Variants in GAS6 observed in about 807,000 individuals in gnomAD.
GAS6 encodes the protein growth arrest specific 6, also known as growth arrest-specific protein 6.
Under a neutral mutation model 75.8 loss-of-function variants are expected in GAS6, and 41 were observed. The ratio of observed to expected loss-of-function variants is 0.54; its 90% CI spans 0.42 to 0.70. The LOEUF is 0.70. Ranked by LOEUF, GAS6 falls within the 30% of genes least tolerant of loss-of-function variation. The pLI is 0.00. For synonymous variants in GAS6, 432 were observed against 412.6 expected, an observed-to-expected ratio of 1.05 and a Z score of -0.57; for missense variants, 854 against 940.2, an observed-to-expected ratio of 0.91 and a Z score of 1.20.
intron 11 of GAS6, among the ~76,000 whole-genome samples, chr13:113,827,561 CCGG>C (rs1373964747): frequency 6.7e-6 from 1 of 149,758 alleles, no homozygotes; most frequent in African/African-American, 2.6e-5. Context: ...AGGCAAAGTC[CCGG>C]CACCAGGCTG....
chr13:113,862,899 C>T (rs1017415267), intron 2 of GAS6, among the ~76,000 whole-genome samples: 2 of 152,186 alleles, frequency 1.3e-5, no homozygotes, highest in Non-Finnish European at 2.9e-5. Context: ...CTCCCGAGCC[C>T]GCAGGATAGA....
At chr13:113,827,685 G>T (rs1419650483) in intron 11 of GAS6, among the ~76,000 whole-genome samples, 1 of 146,050 alleles carries the variant, frequency 6.8e-6, no homozygotes, top group African/African-American at 2.7e-5. Flanking sequence ...GGTGGCTTCA[G>T]CACAGGCACT....
intron 2 of GAS6, among the ~76,000 whole-genome samples, chr13:113,859,266 GT>G (rs1480241001): frequency 6.6e-6 from 1 of 151,722 alleles, no homozygotes; most frequent in African/African-American, 2.4e-5. Context: ...CTGTGTGACT[GT>G]GTAGGTACAT....
intron 12 of GAS6, among the ~76,000 whole-genome samples, chr13:113,826,467 TCGCAGGCACC>T (rs2051543645): frequency 2.3e-5 from 3 of 128,836 alleles, no homozygotes; most frequent in African/African-American, 5.8e-5. Context: ...GGCGCCGGCC[TCGCAGGCACC>T]TTCTCTCCCC....
rs768472011 is a variant in GAS6 at position 113,834,647 on chromosome 13, G to A, written c.738C>T (p.Arg246=). The part of the protein sequence containing the change: ...CRDVDECLQG[R]CEQVCVNSPG... ...GGGAGTTCACGCAGACCTGCTCACA[G>A]CGGCCCTGCAGACACTCGTCCACAT... The change falls in exon 8 of 15, where the codon CGC becomes CGT. Residue 246 remains arginine, a synonymous_variant. Transcript: ENST00000327773. 1 of 1,601,172 alleles carries A rather than the reference G, an allele frequency of 6.2e-7. No homozygotes were observed. The highest frequency in any genetic ancestry group is 8.5e-7 in the Non-Finnish European group (1 of 1,173,372).
At position 113,826,981 on chromosome 13, in the gene GAS6, A is replaced by G. The variant is rs1259776815; in HGVS notation, c.1477+15T>C. ...TGCAGCCACAGCCACCCCAACGGTA[A>G]GAGCCAAGACTTACTGTAGTCCAGG... is the stretch of plus-strand genomic sequence containing the variant. On this transcript the variant is annotated intron_variant, in intron 12 of 14. Coordinates refer to ENST00000327773, the MANE Select transcript of GAS6 (RefSeq NM_000820.4). The G allele has an allele frequency of 1.2e-6, 2 of 1,605,778 alleles. No homozygotes were observed. Among genetic ancestry groups the G allele is most frequent in the East Asian group, 2.2e-5 (1 of 44,658 alleles).
chr13:113,853,999 G>C (rs1354861548), intron 2 of GAS6, among the ~76,000 whole-genome samples: 2 of 152,212 alleles, frequency 1.3e-5, no homozygotes. Flanking sequence ...ATGGCCCCCA[G>C]CCCAGAGGAC....
chr13:113,822,966 G>A (rs562018983), intron 13 of GAS6: 229 of 161,986 alleles, frequency 1.4e-3, no homozygotes, highest in African/African-American at 5.2e-3. Flanking sequence ...TGTCCCCCAC[G>A]GAAAGACGCT....
intron 5 of GAS6, chr13:113,839,467 A>C: frequency 2.4e-6 from 1 of 424,650 alleles, no homozygotes; most frequent in East Asian, 4.3e-5. Flanking sequence ...TCAGAGGTGA[A>C]ATTTCCCCCC....
intron 3 of GAS6, among the ~76,000 whole-genome samples, chr13:113,846,797 C>T (rs577309723): frequency 1.3e-5 from 2 of 152,352 alleles, no homozygotes; most frequent in South Asian, 2.1e-4. Context: ...ACCAACTCAG[C>T]GGAGTTGTGC....
intron 8 of GAS6, chr13:113,833,145 T>C: frequency 3.5e-6 from 4 of 1,149,484 alleles, no homozygotes; most frequent in Non-Finnish European, 3.2e-6. Context: ...TGTTCTGGGC[T>C]GTGGTTTCTC....
At chr13:113,824,798 C>T (rs952551439) in intron 12 of GAS6, among the ~76,000 whole-genome samples, 1 of 152,168 alleles carries the variant, frequency 6.6e-6, no homozygotes, top group African/African-American at 2.4e-5. Flanking sequence ...ATTTATGGCA[C>T]CGAAACACAC....
rs894015706 is a variant in GAS6 at position 113,832,522 on chromosome 13, G to A, written c.954-34C>T. ...CCACAGGAGAAATGAGTCAGCACTG[G>A]GCACAGGCAGATGCCCGGCCCCTCC... is the stretch of plus-strand genomic sequence containing the variant. On this transcript the variant is annotated intron_variant, in intron 9 of 14. Coordinates refer to ENST00000327773, the MANE Select transcript of GAS6 (RefSeq NM_000820.4). 6.3e-6 allele frequency: 10 copies of A among 1,594,400 alleles called. No individual in the cohort carries two copies. The Admixed American group carries it at 1.3e-4, about 22-fold the overall frequency.
intron 2 of GAS6, among the ~76,000 whole-genome samples, chr13:113,849,617 A>G (rs2051858714): frequency 6.6e-6 from 1 of 152,252 alleles, no homozygotes; most frequent in Admixed American, 6.5e-5. Flanking sequence ...GCATTACCAC[A>G]GCTTTACAGC....
intron 10 of GAS6, among the ~76,000 whole-genome samples, chr13:113,830,712 A>G (rs12184764): frequency 2.8e-4 from 20 of 71,778 alleles, no homozygotes; most frequent in South Asian, 1.7e-3. Flanking sequence ...CCTCCTCCCC[A>G]TGGCTCCATC....
chr13:113,858,687 CTG>C (rs140736589), intron 2 of GAS6, among the ~76,000 whole-genome samples: 53 of 122,518 alleles, frequency 4.3e-4, no homozygotes, highest in East Asian at 8.9e-4. Flanking sequence ...GTATGCATGT[CTG>C]TGTGTGTGAC....
intron 2 of GAS6, among the ~76,000 whole-genome samples, chr13:113,856,306 T>A (rs1369092388): frequency 6.6e-6 from 1 of 152,006 alleles, no homozygotes; most frequent in African/African-American, 2.4e-5. Context: ...CGTCCTGCTC[T>A]CCCCCAGTCC....
chr13:113,833,283 AG>A, intron 8 of GAS6: 2 of 1,038,908 alleles, frequency 1.9e-6, no homozygotes, highest in South Asian at 7.3e-5. Flanking sequence ...GACATCTCGC[AG>A]GGGTCCGACA....
rs1351180862 is a variant in GAS6, at chr13:113,834,603, T to A, written c.782A>T (p.His261Leu). 6.3e-6 allele frequency: 10 copies of A among 1,593,874 alleles called. No individual in the cohort carries two copies. The highest frequency in any genetic ancestry group is 8.5e-6 in the Non-Finnish European group (10 of 1,171,738). Residue 261 changes from histidine (H) to leucine (L), a missense_variant, in exon 8 of 15, where the codon CAC becomes CTC. Transcript: ENST00000327773. ...CTTGAGGCCCCCACGCCCGTCACAG[T>A]GGCAGGTGTAGCTCCCTGGGGAGTT... Reference protein sequence around the residue: ...CVNSPGSYTCHCDGRGGLKLS... With the variant: ...CVNSPGSYTCLCDGRGGLKLS...
Sources: gnomAD v4.1 joint callset for allele counts (sites outside exome capture counted in the v4.1 genomes callset) on GRCh38, gnomAD v4.1.1 for gene constraint, MANE v1.5 for transcripts, NCBI Gene and HGNC (gene_info 2026-07-23, HGNC 2026-07-21) for gene names.